The following TUBAL3 variants were observed in gnomAD, a reference collection of about 807,000 sequenced individuals.
TUBAL3 encodes tubulin alpha chain-like 3.
TUBAL3 carries 16 observed loss-of-function variants against 15.5 expected under a neutral mutation model. That is an observed-to-expected ratio of 1.04 (90% CI 0.70 to 1.57). The LOEUF (loss-of-function observed/expected upper bound fraction) is 1.57, where lower values mean the gene tolerates loss of function less well. Ranked by LOEUF, TUBAL3 falls within the 40% of genes most tolerant of loss-of-function variation. The pLI is 0.00. For synonymous variants in TUBAL3, 238 were observed against 224.3 expected (o/e 1.06, Z -0.55); for missense variants, 609 against 576.2 (o/e 1.06, Z -0.58).
At chr10:5,400,784 C>A in intron 2 of TUBAL3, 60 bp downstream of exon 2, 1 of 1,601,470 alleles carries the variant, frequency 6.2e-7, no homozygotes, top group South Asian at 1.1e-5. Context: ...TAATCCCATC[C>A]ACTTGATTTG....
At chr10:5,398,511 A>G (rs1831800053) in intron 2 of TUBAL3, among the ~76,000 whole-genome samples, 1 of 151,696 alleles carries the variant, frequency 6.6e-6, no homozygotes, top group Admixed American at 6.6e-5. Context: ...AAGTGGGAAG[A>G]CTGCTTGAGC....
In TUBAL3 at chr10:5,393,620, T is replaced by C. The variant is rs782060550; in HGVS notation, c.1238A>G (p.His413Arg). Residue 413 changes from histidine to arginine, a missense_variant, in exon 4 of 4, where the codon CAC becomes CGC. Physicochemically the swap from His to Arg is conservative, Grantham distance 29 (BLOSUM62 0). Coordinates refer to ENST00000380419, the MANE Select transcript of TUBAL3 (RefSeq NM_024803.3). Reference protein sequence around the residue: ...DLMYAKRAFLHWYLREGMEEA... With the variant: ...DLMYAKRAFLRWYLREGMEEA... ...TTCCATGCCTTCTCTGAGGTACCAG[T>C]GCAGAAATGCTCTCTTGGCGTACAT... The C allele has an allele frequency of 4.3e-6, 7 of 1,614,196 alleles. No homozygotes were observed. Among genetic ancestry groups the C allele is most frequent in the East Asian group, 2.2e-5 (1 of 44,888 alleles).
In TUBAL3 at chr10:5,394,519, T is replaced by C; in HGVS notation, c.397-58A>G. On this transcript the variant is annotated intron_variant, in intron 3 of 3. Coordinates refer to ENST00000380419, the MANE Select transcript of TUBAL3 (RefSeq NM_024803.3). This position sits in a 1 kb window ranked among gnomAD's most constrained non-coding sequence, Gnocchi z 4.3. The stretch of plus-strand genomic sequence containing the variant: ...CTGAATAAATCCAGAAGCAGTGAAT[T>C]GGACAGTAGTGGCAGGATACAACAG... The C allele has an allele frequency of 6.7e-7, 1 of 1,486,332 alleles. No individual in the cohort carries two copies. Among genetic ancestry groups the C allele is most frequent in the South Asian group, 1.3e-5 (1 of 74,956 alleles). The allele number at this position is 1,486,332 out of a possible 1,614,324, so 92.1% of individuals were successfully genotyped here.
rs1831778350 is a variant in TUBAL3, at chr10:5,397,176, T to C, written c.248-1701A>G. On this transcript the variant is annotated intron_variant, in intron 2 of 3. Coordinates refer to ENST00000380419, the MANE Select transcript of TUBAL3 (RefSeq NM_024803.3). This position sits in a 1 kb window ranked among gnomAD's most constrained non-coding sequence, Gnocchi z 4.9. ...TAGAAGCTCACAGCCTAAGGAGAAA[T>C]GCATTGTGTTTCTGTTTAATAAGAG... Among the ~76,000 whole-genome samples the C allele has an allele frequency of 6.6e-6, 1 of 152,156 alleles. No homozygotes were observed. The highest frequency in any genetic ancestry group is 1.5e-5 in the Non-Finnish European group (1 of 68,020).
chr10:5,398,094 C>G (rs1831790929), intron 2 of TUBAL3, among the ~76,000 whole-genome samples: 1 of 152,106 alleles, frequency 6.6e-6, no homozygotes, highest in Non-Finnish European at 1.5e-5. Flanking sequence ...TGAAACTAGC[C>G]TGGGCAATAT....
rs184323405 is a variant in TUBAL3, at chr10:5,395,391, G to A, written c.332C>T (p.Ala111Val). Reference protein sequence around the residue: ...SGKEDAANNYARGRYSVGSEV... With the variant: ...SGKEDAANNYVRGRYSVGSEV... ...CGACCCCACAGAGTAACGGCCTCGC[G>A]CGTAATTGTTAGCAGCATCCTCCTT... Residue 111 changes from alanine (A) to valine (V), a missense_variant, in exon 3 of 4, where the codon GCG (alanine) becomes GTG (valine). By Grantham distance (64) the Ala-to-Val change is moderately conservative. Transcript: ENST00000380419. This position sits in a 1 kb window ranked among gnomAD's most constrained non-coding sequence, Gnocchi z 4.6. 1.4e-5 allele frequency: 22 copies of A among 1,606,846 alleles called. No homozygotes were observed. The Middle Eastern group carries it at 5.0e-4, about 36-fold the overall frequency.
chr10:5,393,505 A>G lies in TUBAL3; in HGVS notation c.*12T>C, dbSNP rs782041867. The G allele has an allele frequency of 6.9e-6, 11 of 1,584,388 alleles. No homozygotes were observed. The highest frequency in any genetic ancestry group is 3.4e-4 in the Middle Eastern group (2 of 5,898). On this transcript the variant is annotated 3_prime_UTR_variant, in exon 4 of 4. Transcript: ENST00000380419. ...TTTAACTTGACATTCATTTGCACCC[A>G]TCATACATGCCTCAGAAACTTTGCG...
chr10:5,395,483 G>T lies in TUBAL3; in HGVS notation c.248-8C>A. Reference sequence around the variant, plus strand: ...GGCCCGTCCGGATCCCATCTGCAGAGGGTGAAAGGAGGTCAGTGCAACTCA... The same window carrying T: ...GGCCCGTCCGGATCCCATCTGCAGATGGTGAAAGGAGGTCAGTGCAACTCA... On this transcript the variant is annotated splice_polypyrimidine_tract_variant and splice_region_variant and intron_variant, in intron 2 of 3. Coordinates refer to ENST00000380419, the MANE Select transcript of TUBAL3 (RefSeq NM_024803.3). This position sits in a 1 kb window ranked among gnomAD's most constrained non-coding sequence, Gnocchi z 4.6. 6.7e-7 allele frequency: 1 copy of T among 1,501,882 alleles called. No individual in the cohort carries two copies. Among genetic ancestry groups the T allele is most frequent in the Non-Finnish European group, 9.0e-7 (1 of 1,113,566 alleles). The allele number at this position is 1,501,882 out of a possible 1,614,324, so 93.0% of individuals were successfully genotyped here.
Position 5,393,996 on chromosome 10 carries a change from C to A in TUBAL3, c.862G>T (p.Ala288Ser), listed in dbSNP as rs782339778. The A allele has an allele frequency of 1.2e-5, 19 of 1,614,150 alleles. No individual in the cohort carries two copies. The East Asian group carries it at 3.6e-4, about 30-fold the overall frequency. ...AFAPIVSADK[A>S]YHEQFSVSDI... ...GACACAGAGAACTGCTCATGGTAGG[C>A]TTTGTCAGCAGAGACGATGGGGGCG... Residue 288 changes from alanine (A) to serine (S), a missense_variant, in exon 4 of 4, where the codon GCC becomes TCC. Transcript: ENST00000380419.
rs1438637517 is a variant in TUBAL3 at position 5,397,422 on chromosome 10, G to A, written c.248-1947C>T. On this transcript the variant is annotated intron_variant, in intron 2 of 3. Coordinates refer to ENST00000380419, the MANE Select transcript of TUBAL3 (RefSeq NM_024803.3). This position sits in a 1 kb window ranked among gnomAD's most constrained non-coding sequence, Gnocchi z 4.9. ...TGGGTGGACTATTTCCTTCTTATCT[G>A]AAGCTATAAGGCTGCATTCAGGCTA... Among the ~76,000 whole-genome samples, 1 of 152,182 alleles carries A rather than the reference G, an allele frequency of 6.6e-6. No individual in the cohort carries two copies. Among genetic ancestry groups the A allele is most frequent in the African/African-American group, 2.4e-5 (1 of 41,446 alleles).
rs1831763075 is a variant in TUBAL3 at position 5,396,268 on chromosome 10, G to A, written c.248-793C>T. Among the ~76,000 whole-genome samples, 2 of 151,998 alleles carry A rather than the reference G, an allele frequency of 1.3e-5. No individual in the cohort carries two copies. ...CACACCTGTAATCCCAGCACTTTGG[G>A]AGGCTGAGGCAGGTGGATCACTTGA... is the stretch of plus-strand genomic sequence containing the variant. On this transcript the variant is annotated intron_variant, in intron 2 of 3. Transcript: ENST00000380419. This position sits in a 1 kb window ranked among gnomAD's most constrained non-coding sequence, Gnocchi z 5.1.
At position 5,395,695 on chromosome 10, in the gene TUBAL3, C is replaced by A. The variant is rs190521144; in HGVS notation, c.248-220G>T. ...GGAAAGTATGTTTTTCTACCATGCA[C>A]CCCTTATTAGTTTCCTAGTGCTGCC... On this transcript the variant is annotated intron_variant, in intron 2 of 3. Transcript: ENST00000380419. This position sits in a 1 kb window ranked among gnomAD's most constrained non-coding sequence, Gnocchi z 4.6. 4.6e-5 allele frequency among the ~76,000 whole-genome samples: 7 copies of A among 152,276 alleles called. No individual in the cohort carries two copies. Among genetic ancestry groups the A allele is most frequent in the Admixed American group, 3.3e-4 (5 of 15,296 alleles).
rs368398918 is a variant in TUBAL3, at chr10:5,395,435, G to C, written c.288C>G (p.Pro96=). 1.8e-5 allele frequency: 29 copies of C among 1,600,956 alleles called. No homozygotes were observed. Among genetic ancestry groups the C allele is most frequent in the Non-Finnish European group, 2.3e-5 (27 of 1,172,102 alleles). The change falls in exon 3 of 4, where the codon CCC becomes CCG. Residue 96 remains proline (P), a synonymous_variant. Coordinates refer to ENST00000380419, the MANE Select transcript of TUBAL3 (RefSeq NM_024803.3). This position sits in a 1 kb window ranked among gnomAD's most constrained non-coding sequence, Gnocchi z 4.6. ...RTGQHRSLFH[P]EQLLSGKEDA... ...CCTCCTTTCCGCTAAGGAGCTGCTCGGGGTGGAAGAGTGAACGGTGCTGGC... is the reference window on the plus strand; with the variant it reads ...CCTCCTTTCCGCTAAGGAGCTGCTCCGGGTGGAAGAGTGAACGGTGCTGGC...
In TUBAL3 at chr10:5,394,575, A is replaced by T; in HGVS notation, c.397-114T>A. The T allele has an allele frequency of 1.1e-6, 1 of 933,924 alleles. No homozygotes were observed. The highest frequency in any genetic ancestry group is 1.8e-5 in the South Asian group (1 of 54,820). The allele number at this position is 933,924 out of a possible 1,614,324, so 57.9% of individuals were successfully genotyped here. ...CCCAAAACAAAATCTTTCAGAAAGG[A>T]CTCCTTTGCCTTTGTTAACTCCACA... is the stretch of plus-strand genomic sequence containing the variant. On this transcript the variant is annotated intron_variant, in intron 3 of 3. Transcript: ENST00000380419. The surrounding 1 kb of genome is among the most constrained non-coding windows in gnomAD (Gnocchi z 4.3).
At position 5,393,639 on chromosome 10, in the gene TUBAL3, C is replaced by A. The variant is rs150318613; in HGVS notation, c.1219G>T (p.Ala407Ser). 113 of 1,614,190 alleles carry A rather than the reference C, an allele frequency of 7.0e-5. No homozygotes were observed. In the African/African-American group the frequency reaches 1.2e-3, roughly 17 times the overall value. The change falls in exon 4 of 4, where the codon GCC becomes TCC. Residue 407 changes from alanine to serine, a missense_variant. Physicochemically the swap from Ala to Ser is moderately conservative, Grantham distance 99. Transcript: ENST00000380419. ...TACCAGTGCAGAAATGCTCTCTTGG[C>A]GTACATGAGGTCAAACTTGTGGTCC... ...RLDHKFDLMY[A>S]KRAFLHWYLR... is the part of the protein sequence containing the mutation.
In TUBAL3 at chr10:5,393,702, T is replaced by C. The variant is rs368622727; in HGVS notation, c.1156A>G (p.Ser386Gly). The change falls in exon 4 of 4, where the codon AGC becomes GGC. Residue 386 changes from serine (S) to glycine (G), a missense_variant. Ser to Gly is a moderately conservative substitution (Grantham distance 56, BLOSUM62 0). Coordinates refer to ENST00000380419, the MANE Select transcript of TUBAL3 (RefSeq NM_024803.3). ...GCCTCCACAATCGCCGTGGTGTTGC[T>C]CAGCATGCAGATGGACCGGTGGACT... ...AKVHRSICML[S>G]NTTAIVEAWA... is the part of the protein sequence containing the mutation. 2 of 1,614,214 alleles carry C rather than the reference T, an allele frequency of 1.2e-6. No individual in the cohort carries two copies. Among genetic ancestry groups the C allele is most frequent in the African/African-American group, 2.7e-5 (2 of 75,050 alleles).
rs1831744775 is a variant in TUBAL3, at chr10:5,395,237, T to C, written c.396+90A>G. The C allele has an allele frequency of 3.0e-6, 4 of 1,313,312 alleles. No homozygotes were observed. The highest frequency in any genetic ancestry group is 1.9e-5 in the South Asian group (1 of 51,524). The allele number at this position is 1,313,312 out of a possible 1,614,324, so 81.4% of individuals were successfully genotyped here. On this transcript the variant is annotated intron_variant, in intron 3 of 3. Transcript: ENST00000380419. The surrounding 1 kb of genome is among the most constrained non-coding windows in gnomAD (Gnocchi z 4.6). ...CCCAGGGAGAGACGGTTGGTGGCGA[T>C]GGTGACAGCAGATAATGCTTGTGAG...
Position 5,393,714 on chromosome 10 carries a change from T to C in TUBAL3, c.1144A>G (p.Ile382Val), listed in dbSNP as rs782709000. The change falls in exon 4 of 4, where the codon ATC becomes GTC. Residue 382 changes from isoleucine to valine, a missense_variant. Transcript: ENST00000380419. ...GGDLAKVHRS[I>V]CMLSNTTAIV... ...GCCGTGGTGTTGCTCAGCATGCAGATGGACCGGTGGACTTTGGCCAGGTCC... is the reference window on the plus strand; with the variant it reads ...GCCGTGGTGTTGCTCAGCATGCAGACGGACCGGTGGACTTTGGCCAGGTCC... The C allele has an allele frequency of 1.9e-6, 3 of 1,614,244 alleles. No homozygotes were observed. The highest frequency in any genetic ancestry group is 2.5e-6 in the Non-Finnish European group (3 of 1,180,048).
At chr10:5,400,805 G>C in intron 2 of TUBAL3, 39 bp downstream of exon 2, 2 of 1,611,356 alleles carry the variant, frequency 1.2e-6, no homozygotes, top group Non-Finnish European at 1.7e-6. Context: ...TTTGAGTGTG[G>C]CTCCAGTTAA....
Sources: gnomAD v4.1 joint callset for allele counts (sites outside exome capture counted in the v4.1 genomes callset) on GRCh38, gnomAD v4.1.1 for gene constraint, Gnocchi (gnomAD v3.1) non-coding constraint, MANE v1.5 for transcripts, NCBI Gene and HGNC (gene_info 2026-07-23, HGNC 2026-07-21) for gene names.